The following GRIN2A variants were observed in gnomAD, a reference collection of about 807,000 sequenced individuals.
The protein encoded by GRIN2A is glutamate receptor ionotropic, NMDA 2A.
GRIN2A carries 22 observed loss-of-function variants against 113.4 expected under a neutral mutation model. The ratio of observed to expected loss-of-function variants is 0.19; its 90% CI spans 0.14 to 0.28. The LOEUF (loss-of-function observed/expected upper bound fraction) is 0.28, where lower values mean the gene tolerates loss of function less well. Ranked by LOEUF, GRIN2A falls within the 10% of genes least tolerant of loss-of-function variation. GRIN2A has a pLI of 1.00. For synonymous variants in GRIN2A, 827 were observed against 738.4 expected (o/e 1.12, Z -1.94); for missense variants, 1,502 against 1,887.0 (o/e 0.80, Z 3.78).
chr16:9,952,760 G>A (rs1393204151), intron 2 of GRIN2A, among the ~76,000 whole-genome samples: 1 of 152,108 alleles, frequency 6.6e-6, no homozygotes, highest in Non-Finnish European at 1.5e-5. Context: ...GGAACTCAAT[G>A]CTTATATCTG....
intron 2 of GRIN2A, among the ~76,000 whole-genome samples, chr16:10,099,714 C>T (rs973668564): frequency 3.3e-5 from 5 of 152,188 alleles, no homozygotes; most frequent in African/African-American, 1.2e-4. Context: ...AGGCTAGATT[C>T]AAATGCTACT....
intron 2 of GRIN2A, among the ~76,000 whole-genome samples, chr16:10,000,316 T>A (rs2046297824): frequency 6.6e-6 from 1 of 152,148 alleles, no homozygotes. Context: ...TGTTAACCAC[T>A]GCGGCTATTT....
chr16:10,126,911 C>G (rs996237001), intron 2 of GRIN2A, among the ~76,000 whole-genome samples: 1 of 152,166 alleles, frequency 6.6e-6, no homozygotes, highest in Non-Finnish European at 1.5e-5. Flanking sequence ...GCTCTGAGGA[C>G]CTTCTGAGTC....
chr16:10,074,890 CAA>C (rs2047838887), intron 2 of GRIN2A, among the ~76,000 whole-genome samples: 1 of 152,174 alleles, frequency 6.6e-6, no homozygotes, highest in Non-Finnish European at 1.5e-5. Context: ...AATTATATCT[CAA>C]AAACATTTAA....
chr16:9,861,672 A>G (rs2043071007), intron 4 of GRIN2A, among the ~76,000 whole-genome samples: 1 of 152,204 alleles, frequency 6.6e-6, no homozygotes, highest in African/African-American at 2.4e-5. Context: ...CCTGATCTAA[A>G]GAGTATCCCA....
At chr16:9,860,968 G>A (rs1455022789) in intron 4 of GRIN2A, among the ~76,000 whole-genome samples, 1 of 152,180 alleles carries the variant, frequency 6.6e-6, no homozygotes, top group East Asian at 1.9e-4. Flanking sequence ...ACAATTCAGA[G>A]TTTAAAAAGG....
Position 10,017,260 on chromosome 16 carries a change from T to A in GRIN2A, c.415-78709A>T, listed in dbSNP as rs547911453. 3.3e-5 allele frequency among the ~76,000 whole-genome samples: 5 copies of A among 152,162 alleles called. No homozygotes were observed. The East Asian group carries it at 9.7e-4, about 29-fold the overall frequency. On this transcript the variant is annotated intron_variant, in intron 2 of 12. Transcript: ENST00000330684. ...AAAGAAACAGATAATCATTACACAT[T>A]AAGATAATCATTACACGATTAATAG... is the stretch of plus-strand genomic sequence containing the variant.
chr16:9,976,105 C>G (rs994312797), intron 2 of GRIN2A, among the ~76,000 whole-genome samples: 4 of 152,184 alleles, frequency 2.6e-5, no homozygotes, highest in Non-Finnish European at 5.9e-5. Context: ...AGTCTATAAA[C>G]CAACTTTTTA....
At chr16:10,066,045 C>G in intron 2 of GRIN2A, among the ~76,000 whole-genome samples, 1 of 152,262 alleles carries the variant, frequency 6.6e-6, no homozygotes, top group East Asian at 1.9e-4. Context: ...TTTATCTGTC[C>G]TCCTGACACT....
In GRIN2A at chr16:9,849,767, G is replaced by C. The variant is rs752012396; in HGVS notation, c.1317C>G (p.Phe439Leu). Residue 439 changes from phenylalanine to leucine, a missense_variant, in exon 5 of 13, where the codon TTC becomes TTG. By Grantham distance (22) the Phe-to-Leu change is conservative (BLOSUM62 0). Coordinates refer to ENST00000330684, the MANE Select transcript of GRIN2A (RefSeq NM_001134407.3). Reference sequence around the variant, plus strand: ...TTCCTGCCACTCACTTGATTTTGACGAACTTCCGACATGGCACGGTGTTCC... The same window carrying C: ...TTCCTGCCACTCACTTGATTTTGACCAACTTCCGACATGGCACGGTGTTCC... ...CVRNTVPCRK[F>L]VKINNSTNEG... The C allele has an allele frequency of 1.2e-6, 2 of 1,613,738 alleles. No individual in the cohort carries two copies. Among genetic ancestry groups the C allele is most frequent in the Non-Finnish European group, 1.7e-6 (2 of 1,179,758 alleles).
At chr16:10,076,879 T>C (rs548961314) in intron 2 of GRIN2A, among the ~76,000 whole-genome samples, 11 of 152,314 alleles carry the variant, frequency 7.2e-5, no homozygotes, top group Admixed American at 4.6e-4. Context: ...CCCTAATTCC[T>C]GGAACCTGTG....
At chr16:9,826,623 A>G (rs2042393558) in intron 9 of GRIN2A, among the ~76,000 whole-genome samples, 7 of 152,176 alleles carry the variant, frequency 4.6e-5, no homozygotes, top group Admixed American at 4.6e-4. Context: ...TTCTTGGTGT[A>G]TCTTCTATTA....
intron 2 of GRIN2A, among the ~76,000 whole-genome samples, chr16:10,146,799 G>C (rs1468186513): frequency 6.6e-6 from 1 of 151,862 alleles, no homozygotes; most frequent in African/African-American, 2.4e-5. Context: ...CATCCCTCAT[G>C]TCCACTTGCT....
intron 2 of GRIN2A, among the ~76,000 whole-genome samples, chr16:10,026,368 A>T (rs1319989901): frequency 6.6e-6 from 1 of 152,230 alleles, no homozygotes; most frequent in Non-Finnish European, 1.5e-5. Flanking sequence ...CAGCATGTAC[A>T]GGGAATCTAT....
intron 2 of GRIN2A, among the ~76,000 whole-genome samples, chr16:10,075,811 G>T (rs2047861288): frequency 6.6e-6 from 1 of 152,116 alleles, no homozygotes; most frequent in Non-Finnish European, 1.5e-5. Flanking sequence ...AATGCCTCTA[G>T]CTGCTCTAAA....
intron 9 of GRIN2A, among the ~76,000 whole-genome samples, chr16:9,828,173 G>A (rs991561034): frequency 6.6e-6 from 1 of 152,184 alleles, no homozygotes; most frequent in Non-Finnish European, 1.5e-5. Flanking sequence ...AGGACACTGA[G>A]CTGAAATAAA....
rs752603652 is a variant in GRIN2A, at chr16:9,891,064, T to C, written c.1044A>G (p.Leu348=). The part of the protein sequence containing the change: ...MVNVTWDGKD[L]SFTEEGYQVH... ...CCTGGTAGCCTTCCTCAGTGAAGGA[T>C]AAGTCTTTGCCATCCCATGTAACAT... is the stretch of plus-strand genomic sequence containing the variant. Residue 348 remains leucine, a synonymous_variant, in exon 4 of 13, where the codon TTA becomes TTG. Transcript: ENST00000330684. The C allele has an allele frequency of 3.7e-6, 6 of 1,613,074 alleles. No individual in the cohort carries two copies. The Admixed American group carries it at 8.3e-5, about 22-fold the overall frequency.
intron 2 of GRIN2A, among the ~76,000 whole-genome samples, chr16:10,149,103 G>C (rs533101903): frequency 6.6e-6 from 1 of 152,308 alleles, no homozygotes; most frequent in East Asian, 1.9e-4. Flanking sequence ...GCAGGGAATA[G>C]GGATGGTTAA....
intron 2 of GRIN2A, among the ~76,000 whole-genome samples, chr16:10,060,807 G>C (rs954001789): frequency 1.3e-5 from 2 of 152,124 alleles, no homozygotes; most frequent in Admixed American, 1.3e-4. Context: ...TCCTCTTTAC[G>C]AGTGCAAGCT....
Sources: gnomAD v4.1 joint callset for allele counts (sites outside exome capture counted in the v4.1 genomes callset) on GRCh38, gnomAD v4.1.1 for gene constraint, MANE v1.5 for transcripts, NCBI Gene and HGNC (gene_info 2026-07-23, HGNC 2026-07-21) for gene names.